Variants in EMCN observed in about 807,000 individuals in gnomAD.
EMCN encodes the protein endomucin.
EMCN carries 37 observed loss-of-function variants against 38.4 expected under a neutral mutation model. The ratio of observed to expected loss-of-function variants is 0.96; its 90% confidence interval spans 0.74 to 1.27. EMCN has a LOEUF of 1.27. Among genes scored for constraint, EMCN ranks in the 50% most tolerant of loss-of-function variants. The pLI, the probability that EMCN is intolerant of heterozygous loss-of-function variation, is 0.00. For missense variants in EMCN, 318 were observed against 302.8 expected, an observed-to-expected ratio of 1.05 and a Z score of -0.37; for synonymous variants, 95 against 100.8, an observed-to-expected ratio of 0.94 and a Z score of 0.35.
chr4:100,511,694 G>C (rs1341813827), intron 1 of EMCN, among the ~76,000 whole-genome samples: 1 of 152,112 alleles, frequency 6.6e-6, no homozygotes, highest in Non-Finnish European at 1.5e-5. Context: ...ATATTAATGA[G>C]AGTGTCAGAG....
intron 4 of EMCN, among the ~76,000 whole-genome samples, chr4:100,452,570 G>T (rs357669): frequency 0.4 from 60,287 of 151,830 alleles, 14,591 homozygotes; most frequent in Non-Finnish European, 0.56. Context: ...GGGAAAAAGA[G>T]CAATAGTCCC....
At chr4:100,466,748 G>C (rs1418012605) in intron 3 of EMCN, among the ~76,000 whole-genome samples, 2 of 152,194 alleles carry the variant, frequency 1.3e-5, no homozygotes, top group Non-Finnish European at 2.9e-5. Context: ...AAGTGGGACA[G>C]GTCACCCAAG....
At chr4:100,489,751 G>T (rs1729029207) in intron 1 of EMCN, among the ~76,000 whole-genome samples, 1 of 152,116 alleles carries the variant, frequency 6.6e-6, no homozygotes, top group Admixed American at 6.6e-5. Flanking sequence ...ACCAAATGCG[G>T]TATTTCTGGG....
At chr4:100,473,380 T>TTTG (rs1553930786) in intron 3 of EMCN, among the ~76,000 whole-genome samples, 2 of 127,622 alleles carry the variant, frequency 1.6e-5, no homozygotes, top group Admixed American at 8.2e-5. Context: ...TTTGTTTTTT[T>TTTG]TTTTTGTTTT....
At chr4:100,452,526 C>A (rs1560621011) in intron 4 of EMCN, among the ~76,000 whole-genome samples, 1 of 151,982 alleles carries the variant, frequency 6.6e-6, no homozygotes, top group African/African-American at 2.4e-5. Flanking sequence ...TCTTATTCTG[C>A]ATTCTTGTCT....
chr4:100,457,397 T>A (rs1289546378), intron 4 of EMCN, among the ~76,000 whole-genome samples: 5 of 152,208 alleles, frequency 3.3e-5, no homozygotes, highest in Non-Finnish European at 5.9e-5. Flanking sequence ...TAGGAAAAGC[T>A]TTCAACTTTG....
intron 5 of EMCN, among the ~76,000 whole-genome samples, chr4:100,441,215 C>T (rs1374404399): frequency 6.6e-6 from 1 of 152,040 alleles, no homozygotes; most frequent in East Asian, 1.9e-4. Flanking sequence ...TATATATTTA[C>T]AATTGTAATG....
chr4:100,399,874 T>C (rs780090110), intron 11 of EMCN, among the ~76,000 whole-genome samples: 11 of 152,160 alleles, frequency 7.2e-5, no homozygotes, highest in Non-Finnish European at 1.2e-4. Flanking sequence ...ATTTTACCCA[T>C]GTAATAAGCA....
chr4:100,475,740 C>T (rs956222455), intron 2 of EMCN, among the ~76,000 whole-genome samples: 4 of 137,874 alleles, frequency 2.9e-5, no homozygotes, highest in African/African-American at 5.6e-5. Flanking sequence ...TGCAGTGGCG[C>T]GATCTCGGCT....
intron 5 of EMCN, among the ~76,000 whole-genome samples, chr4:100,438,429 C>A (rs1032338381): frequency 1.3e-5 from 2 of 151,950 alleles, no homozygotes. Context: ...GCTAGTACTT[C>A]TGGTACCATG....
At chr4:100,476,180 TCCC>T (rs1728644418) in intron 2 of EMCN, among the ~76,000 whole-genome samples, 9 of 30,880 alleles carry the variant, frequency 2.9e-4, no homozygotes, top group African/African-American at 1.0e-3. Flanking sequence ...CCTCCCTCCC[TCCC>T]TCCCTTCTTC....
At chr4:100,453,998 G>A (rs980844793) in intron 4 of EMCN, among the ~76,000 whole-genome samples, 1 of 144,136 alleles carries the variant, frequency 6.9e-6, no homozygotes, top group Non-Finnish European at 1.5e-5. Flanking sequence ...ACAGGAAGGG[G>A]AACATCACAC....
intron 5 of EMCN, among the ~76,000 whole-genome samples, chr4:100,424,137 C>T (rs539507713): frequency 1.9e-4 from 29 of 152,104 alleles, no homozygotes; most frequent in African/African-American, 7.0e-4. Context: ...ATTCAAAATC[C>T]ATAGCTGTCA....
chr4:100,485,826 T>G (rs1203662140), intron 1 of EMCN, among the ~76,000 whole-genome samples: 1 of 152,070 alleles, frequency 6.6e-6, no homozygotes, highest in Non-Finnish European at 1.5e-5. Flanking sequence ...ATTTTTTCAG[T>G]TAAAAGAAAA....
intron 11 of EMCN, among the ~76,000 whole-genome samples, chr4:100,403,157 G>A (rs115851295): frequency 0.026 from 3,952 of 152,166 alleles, 70 homozygotes; most frequent in Non-Finnish European, 0.041. Context: ...GGGGTTTGGC[G>A]TTCAGACCAT....
intron 4 of EMCN, among the ~76,000 whole-genome samples, chr4:100,455,509 G>GTTTTT (rs11432936): frequency 6.7e-5 from 9 of 133,530 alleles, no homozygotes; most frequent in Non-Finnish European, 9.2e-5. Flanking sequence ...AGGGTGAAAA[G>GTTTTT]TTTTTTTTTT....
chr4:100,412,460 A>G (rs191549379), intron 10 of EMCN, among the ~76,000 whole-genome samples: 1 of 152,140 alleles, frequency 6.6e-6, no homozygotes, highest in Non-Finnish European at 1.5e-5. Flanking sequence ...AGAGTCATAT[A>G]TTTCTAATTT....
In EMCN at chr4:100,399,233, T is replaced by C. The variant is rs560926955; in HGVS notation, c.*40-860A>G. 1.4e-3 allele frequency among the ~76,000 whole-genome samples: 218 copies of C among 152,298 alleles called. 1 individual carries two copies. The highest frequency in any genetic ancestry group is 5.0e-3 in the African/African-American group (206 of 41,562). ...TAAAAGAGCAAGAGATGGAGACTTC[T>C]ATGTCCCAAGTACGAAAAGGGTAGT... On this transcript the variant is annotated intron_variant, in intron 11 of 11. Coordinates refer to ENST00000296420, the MANE Select transcript of EMCN (RefSeq NM_016242.4).
chr4:100,447,910 T>C (rs1727723115), intron 4 of EMCN, among the ~76,000 whole-genome samples: 1 of 152,080 alleles, frequency 6.6e-6, no homozygotes, highest in Non-Finnish European at 1.5e-5. Flanking sequence ...TAAAACTTTA[T>C]TTTCAAAAAG....
Sources: gnomAD v4.1 joint callset for allele counts (sites outside exome capture counted in the v4.1 genomes callset) on GRCh38, gnomAD v4.1.1 for gene constraint, MANE v1.5 for transcripts, NCBI Gene and HGNC (gene_info 2026-07-23, HGNC 2026-07-21) for gene names.